Variants in ATP11C observed in about 807,000 individuals in gnomAD.
ATP11C encodes the protein ATPase phospholipid transporting 11C (ATP11C blood group).
Under a neutral mutation model 97.4 loss-of-function variants are expected in ATP11C, and 36 were observed. The observed-to-expected ratio is 0.37, with a 90% confidence interval of 0.28 to 0.49. The LOEUF is 0.49. ATP11C is among the 20% of genes least tolerant of loss of function. ATP11C has a pLI of 0.98. For synonymous variants in ATP11C, 275 were observed against 290.9 expected (o/e 0.95, Z 0.56); for missense variants, 730 against 824.6 (o/e 0.89, Z 1.40).
intron 1 of ATP11C, among the ~76,000 whole-genome samples, chrX:139,874,709 TG>T (rs34645947): frequency 0.11 from 12,091 of 111,474 alleles, 899 homozygotes; most frequent in East Asian, 0.29. Flanking sequence ...GAGCTCTGTG[TG>T]TCAGGCCAAA....
At chrX:139,810,258 C>T (rs2083140536) in intron 5 of ATP11C, among the ~76,000 whole-genome samples, 1 of 111,245 alleles carries the variant, frequency 9.0e-6, no homozygotes, top group African/African-American at 3.3e-5. Flanking sequence ...GAGTTCGACA[C>T]CAGCCTGACC....
At chrX:139,769,822 C>T (rs2082218463) in intron 19 of ATP11C, among the ~76,000 whole-genome samples, 2 of 110,849 alleles carry the variant, frequency 1.8e-5, no homozygotes, top group South Asian at 7.7e-4. Flanking sequence ...ACTGCAAATT[C>T]GGATTCGTTA....
intron 1 of ATP11C, among the ~76,000 whole-genome samples, chrX:139,836,345 C>G (rs1164029010): frequency 9.1e-6 from 1 of 110,166 alleles, no homozygotes; most frequent in Non-Finnish European, 1.9e-5. Flanking sequence ...GCAAAACCTG[C>G]CTCTACTAAA....
At chrX:139,740,170 T>C in intron 27 of ATP11C, among the ~76,000 whole-genome samples, 1 of 111,762 alleles carries the variant, frequency 8.9e-6, no homozygotes, top group East Asian at 2.9e-4. Flanking sequence ...GCTCTAGCCA[T>C]GCTCTCTGCT....
intron 1 of ATP11C, among the ~76,000 whole-genome samples, chrX:139,898,158 T>C (rs891910222): frequency 2.7e-5 from 3 of 111,371 alleles, no homozygotes; most frequent in Non-Finnish European, 3.8e-5. Context: ...TGTATATTAT[T>C]TGGTTTGAAG....
chrX:139,820,479 T>C, intron 2 of ATP11C, among the ~76,000 whole-genome samples: 1 of 111,284 alleles, frequency 9.0e-6, no homozygotes, highest in Non-Finnish European at 1.9e-5. Flanking sequence ...CTGGCTCAGC[T>C]AACCTCTGGA....
At chrX:139,859,538 T>C (rs2084147070) in intron 1 of ATP11C, among the ~76,000 whole-genome samples, 1 of 111,994 alleles carries the variant, frequency 8.9e-6, no homozygotes, top group Non-Finnish European at 1.9e-5. Context: ...ATGTGTTATG[T>C]CAAATTCAAA....
At chrX:139,820,838 A>G (rs1194657432) in intron 2 of ATP11C, among the ~76,000 whole-genome samples, 1 of 111,536 alleles carries the variant, frequency 9.0e-6, no homozygotes, top group African/African-American at 3.3e-5. Flanking sequence ...AGAAACTAGA[A>G]AGAAAGAAAT....
At chrX:139,748,792 T>C (rs1382287987) in intron 24 of ATP11C, among the ~76,000 whole-genome samples, 2 of 111,617 alleles carry the variant, frequency 1.8e-5, no homozygotes, top group African/African-American at 6.5e-5. Flanking sequence ...CACAAATAAA[T>C]TGCAAGGTTA....
Position 139,845,166 on chromosome X carries a change from G to A in ATP11C, c.28-18343C>T, listed in dbSNP as rs748467451. 2.7e-5 allele frequency among the ~76,000 whole-genome samples: 3 copies of A among 110,545 alleles called. No individual in the cohort carries two copies. In the East Asian group the frequency reaches 8.6e-4, roughly 32 times the overall value. ...CAAGGGACCCTGTCTCTTTCTTTAG[G>A]GGGTTCATAGCCTCCAGTCAGCTCA... is the stretch of plus-strand genomic sequence containing the variant. On this transcript the variant is annotated intron_variant, in intron 1 of 29. Transcript: ENST00000682941.
At chrX:139,800,356 T>A (rs2082901813) in intron 7 of ATP11C, among the ~76,000 whole-genome samples, 1 of 112,314 alleles carries the variant, frequency 8.9e-6, no homozygotes, top group African/African-American at 3.2e-5. Context: ...AGGTTCTCAA[T>A]TGATTTTCAA....
At chrX:139,745,931 G>A (rs2081674525) in intron 24 of ATP11C, 74 bp from the exon 25 acceptor site, 2 of 1,095,418 alleles carry the variant, frequency 1.8e-6, no homozygotes, top group Non-Finnish European at 2.5e-6. Context: ...TCAAAGGTGG[G>A]CGTGGAATTT....
At chrX:139,742,879 ATATATAT>A (rs1569426254) in intron 26 of ATP11C, among the ~76,000 whole-genome samples, 192 of 7,645 alleles carry the variant, frequency 0.025, 3 homozygotes, top group African/African-American at 0.047. Flanking sequence ...AAAAAAAAAT[ATATATAT>A]ATATATATAT....
intron 1 of ATP11C, among the ~76,000 whole-genome samples, chrX:139,894,881 A>AC (rs2084782347): frequency 8.9e-6 from 1 of 111,754 alleles, no homozygotes; most frequent in African/African-American, 3.3e-5. Context: ...ACATAGCAAG[A>AC]CCCCGTCTCT....
At chrX:139,929,642 T>C (rs1347140340) in intron 1 of ATP11C, among the ~76,000 whole-genome samples, 2 of 111,427 alleles carry the variant, frequency 1.8e-5, no homozygotes, top group African/African-American at 6.5e-5. Context: ...CACGTACAGG[T>C]ACACTAAAAA....
In ATP11C at chrX:139,727,860, C is replaced by T. The variant is rs2081276609; in HGVS notation, c.*1106G>A. The T allele has an allele frequency of 8.9e-6, 1 of 112,012 alleles. No individual in the cohort carries two copies. Among genetic ancestry groups the T allele is most frequent in the African/African-American group, 3.2e-5 (1 of 30,793 alleles). 9.2% of individuals were successfully genotyped at this position (112,012 alleles called of 1,213,427 possible). Reference sequence around the variant, plus strand: ...CATGGTTTAGAGTTAGACCATTTCCCTGTCCAAGTTAAGAGACAACATTCA... The same window carrying T: ...CATGGTTTAGAGTTAGACCATTTCCTTGTCCAAGTTAAGAGACAACATTCA... On this transcript the variant is annotated 3_prime_UTR_variant, in exon 30 of 30. Coordinates refer to ENST00000682941, the MANE Select transcript of ATP11C (RefSeq NM_001353812.2).
chrX:139,834,421 G>C (rs746502087), intron 1 of ATP11C, among the ~76,000 whole-genome samples: 1 of 111,781 alleles, frequency 8.9e-6, no homozygotes, highest in Non-Finnish European at 1.9e-5. Context: ...TATTGACACT[G>C]TCTCTCCATC....
intron 1 of ATP11C, among the ~76,000 whole-genome samples, chrX:139,863,832 TG>T (rs2084241509): frequency 9.0e-6 from 1 of 110,925 alleles, no homozygotes; most frequent in Non-Finnish European, 1.9e-5. Context: ...GAGGCTGAGG[TG>T]GGTGGATTGC....
In ATP11C at chrX:139,741,040, A is replaced by C; in HGVS notation, c.3085T>G (p.Ser1029Ala). 2 of 1,208,351 alleles carry C rather than the reference A, an allele frequency of 1.7e-6. No individual in the cohort carries two copies. The highest frequency in any genetic ancestry group is 2.2e-6 in the Non-Finnish European group (2 of 892,791). ...GAGAAAAATACATAGAAGGCTAAAGAACCCCAAATCACAAAGTGATTTATC... is the reference window on the plus strand; with the variant it reads ...GAGAAAAATACATAGAAGGCTAAAGCACCCCAAATCACAAAGTGATTTATC... ...TWINHFVIWG[S>A]LAFYVFFSFF... The change falls in exon 27 of 30, where the codon TCT becomes GCT. Residue 1029 changes from serine (S) to alanine (A), a missense_variant. Coordinates refer to ENST00000682941, the MANE Select transcript of ATP11C (RefSeq NM_001353812.2).
Sources: allele counts gnomAD v4.1 joint callset (sites outside exome capture counted in the v4.1 genomes callset), GRCh38; gene constraint gnomAD v4.1.1; transcripts MANE v1.5; gene names NCBI Gene and HGNC (gene_info 2026-07-23, HGNC 2026-07-21).